CFAP141: variants seen among roughly 807,000 people sequenced by gnomAD.
The protein encoded by CFAP141 is cilia- and flagella-associated protein 141.
At chr1:154,200,000 A>G in the CFAP141 span, among the ~76,000 whole-genome samples, 1 of 152,146 alleles carries the variant, frequency 6.6e-6, no homozygotes, top group African/African-American at 2.4e-5. Context: ...TCGGCCTCCC[A>G]AGTAGCTGGG....
At chr1:154,200,573 A>G in the CFAP141 span, 1 of 1,614,124 alleles carries the variant, frequency 6.2e-7, no homozygotes, top group Non-Finnish European at 8.5e-7. Flanking sequence ...GACAGTGAGT[A>G]TGTGAATTTC....
chr1:154,200,838 A>T, the CFAP141 span, among the ~76,000 whole-genome samples: 1 of 151,936 alleles, frequency 6.6e-6, no homozygotes, highest in South Asian at 2.1e-4. Flanking sequence ...GCCTGGCACC[A>T]TGCCCAGCTA....
the CFAP141 span, among the ~76,000 whole-genome samples, chr1:154,205,979 A>C: frequency 5.3e-5 from 8 of 152,200 alleles, no homozygotes; most frequent in Non-Finnish European, 1.0e-4. Context: ...ATAGGATTAC[A>C]GGCGTGAGTC....
At chr1:154,202,357 T>C in the CFAP141 span, among the ~76,000 whole-genome samples, 1 of 151,898 alleles carries the variant, frequency 6.6e-6, no homozygotes, top group Non-Finnish European at 1.5e-5. Context: ...ATTACAGGAG[T>C]GAGCCACCAT....
At chr1:154,204,252 T>C in the CFAP141 span, among the ~76,000 whole-genome samples, 1 of 152,232 alleles carries the variant, frequency 6.6e-6, no homozygotes, top group Non-Finnish European at 1.5e-5. Context: ...TTTATCAAAC[T>C]GCCTTTGTAA....
At chr1:154,206,161 A>G in the CFAP141 span, 1 of 979,912 alleles carries the variant, frequency 1.0e-6, no homozygotes, top group Non-Finnish European at 1.7e-6. Context: ...GTTACTAACT[A>G]CATTATACCC....
the CFAP141 span, among the ~76,000 whole-genome samples, chr1:154,200,903 C>T: frequency 1.8e-4 from 28 of 152,146 alleles, no homozygotes; most frequent in Middle Eastern, 3.4e-3. Context: ...AGGCTGGTCT[C>T]GAACTCCTGA....
chr1:154,199,738 T>G, the CFAP141 span, among the ~76,000 whole-genome samples: 9 of 152,218 alleles, frequency 5.9e-5, 1 homozygote, highest in South Asian at 1.7e-3. Flanking sequence ...GTTCAGCAAA[T>G]ATTTGCTGAG....
At chr1:154,201,836 T>C in the CFAP141 span, among the ~76,000 whole-genome samples, 1 of 152,064 alleles carries the variant, frequency 6.6e-6, no homozygotes, top group Non-Finnish European at 1.5e-5. Flanking sequence ...AATGGCCCGA[T>C]CTTGGCTCAC....
At chr1:154,205,710 T>A in the CFAP141 span, 37 of 368,040 alleles carry the variant, frequency 1.0e-4, no homozygotes, top group Non-Finnish European at 1.4e-4. Flanking sequence ...GACATAGACC[T>A]TTTTTTTTTT....
the CFAP141 span, among the ~76,000 whole-genome samples, chr1:154,199,871 GT>G: frequency 1.3e-5 from 2 of 151,858 alleles, no homozygotes; most frequent in Non-Finnish European, 2.9e-5. Flanking sequence ...CTAAGAGGCA[GT>G]TTTTTTTGTT....
At chr1:154,200,722 GC>G in the CFAP141 span, 1 of 1,040,818 alleles carries the variant, frequency 9.6e-7, no homozygotes, top group Non-Finnish European at 1.4e-6. Context: ...CACTCTTGTT[GC>G]CCAGGCTGGT....
chr1:154,199,520 T>C, the CFAP141 span: 1 of 1,609,356 alleles, frequency 6.2e-7, no homozygotes, highest in Middle Eastern at 1.7e-4. Flanking sequence ...GCAGGGCAGC[T>C]TGACGGACCT....
At chr1:154,199,926 G>C in the CFAP141 span, among the ~76,000 whole-genome samples, 1 of 152,130 alleles carries the variant, frequency 6.6e-6, no homozygotes, top group African/African-American at 2.4e-5. Context: ...GCCCAGGCTG[G>C]AGTGCAGTGG....
chr1:154,199,599 G>T, the CFAP141 span: 1 of 999,762 alleles, frequency 1.0e-6, no homozygotes, highest in Non-Finnish European at 1.5e-6. Flanking sequence ...TTTCTTCCTA[G>T]TTGTTTTCCC....
At chr1:154,200,113 G>A in the CFAP141 span, among the ~76,000 whole-genome samples, 1 of 152,160 alleles carries the variant, frequency 6.6e-6, no homozygotes, top group Non-Finnish European at 1.5e-5. Flanking sequence ...GGGCTCAAGC[G>A]ATCTGCCCGT....
chr1:154,204,214 G>A, the CFAP141 span, among the ~76,000 whole-genome samples: 4 of 152,096 alleles, frequency 2.6e-5, no homozygotes, highest in Admixed American at 1.3e-4. Context: ...CCAGTTCAAT[G>A]GATATGTAAA....
At chr1:154,200,352 A>C in the CFAP141 span, 1 of 1,247,086 alleles carries the variant, frequency 8.0e-7, no homozygotes, top group Admixed American at 2.2e-5. Context: ...ACCTAGAGGC[A>C]AACAAGATAA....
chr1:154,202,869 C>T, the CFAP141 span, among the ~76,000 whole-genome samples: 14 of 151,672 alleles, frequency 9.2e-5, no homozygotes, highest in Middle Eastern at 0.01. Context: ...GCCTGTAATC[C>T]CAGCACTTCG....
Sources: allele counts gnomAD v4.1 joint callset (sites outside exome capture counted in the v4.1 genomes callset), GRCh38; gene constraint gnomAD v4.1.1; transcripts MANE v1.5; gene names NCBI Gene and HGNC (gene_info 2026-07-23, HGNC 2026-07-21).